The following FRAS1 variants were observed in gnomAD, a reference collection of about 807,000 sequenced individuals.
FRAS1 encodes the protein extracellular matrix organizing protein FRAS1.
FRAS1 carries 290 observed loss-of-function variants against 435.2 expected under a neutral mutation model. The ratio of observed to expected loss-of-function variants is 0.67; its 90% CI spans 0.61 to 0.73. The LOEUF (loss-of-function observed/expected upper bound fraction) is 0.73. Among genes scored for constraint, FRAS1 ranks in the 30% least tolerant of loss-of-function variants. FRAS1 has a pLI of 0.00. For missense variants in FRAS1, 4,860 were observed against 5,001.5 expected, an observed-to-expected ratio of 0.97 and a Z score of 0.85; for synonymous variants, 1,800 against 1,851.0, an observed-to-expected ratio of 0.97 and a Z score of 0.71.
intron 2 of FRAS1, among the ~76,000 whole-genome samples, chr4:78,100,461 GGAAAACACT>G (rs2109917471): frequency 6.6e-6 from 1 of 152,244 alleles, no homozygotes; most frequent in South Asian, 2.1e-4. Context: ...TCTCTCTCTG[GGAAAACACT>G]GAAAAGTTAG....
chr4:78,532,956 G>T (rs1293484816), intron 70 of FRAS1, among the ~76,000 whole-genome samples: 1 of 152,146 alleles, frequency 6.6e-6, no homozygotes, highest in South Asian at 2.1e-4. Context: ...GAGTGGAGAT[G>T]TCTCTACAAG....
Position 78,318,801 on chromosome 4 carries a change from C to A in FRAS1, c.1961-9C>A. On this transcript the variant is annotated splice_polypyrimidine_tract_variant and intron_variant, in intron 17 of 73. Transcript: ENST00000512123. ...TGGATTATTTTCTGCATTTTATTTCCATTTGCAGCCTGTCACTCCTCCTGC... is the reference window on the plus strand; with the variant it reads ...TGGATTATTTTCTGCATTTTATTTCAATTTGCAGCCTGTCACTCCTCCTGC... 1 of 1,547,264 alleles carries A rather than the reference C, an allele frequency of 6.5e-7. No individual in the cohort carries two copies. Among genetic ancestry groups the A allele is most frequent in the Non-Finnish European group, 8.7e-7 (1 of 1,144,004 alleles).
In FRAS1 at chr4:78,522,763, T is replaced by C; in HGVS notation, c.10763T>C (p.Phe3588Ser). Residue 3588 changes from phenylalanine to serine, a missense_variant, in exon 69 of 74, where the codon TTT becomes TCT. Phe to Ser is a radical substitution (Grantham distance 155). Coordinates refer to ENST00000512123, the MANE Select transcript of FRAS1 (RefSeq NM_025074.7). ...DLQLLWSAQT[F>S]DSPHQLWRAT... ...CAGCTATTATGGAGCGCTCAGACTT[T>C]TGATTCTCCACATCAACTCTGGAGA... 6.2e-7 allele frequency: 1 copy of C among 1,612,384 alleles called. No homozygotes were observed. Among genetic ancestry groups the C allele is most frequent in the Non-Finnish European group, 8.5e-7 (1 of 1,179,148 alleles).
Position 78,540,514 on chromosome 4 carries a change from G to A in FRAS1, c.11446-17G>A, listed in dbSNP as rs754232253. On this transcript the variant is annotated splice_polypyrimidine_tract_variant and intron_variant, in intron 73 of 73. Transcript: ENST00000512123. ...GTCTGTGGGCAACAACAACATGTTC[G>A]GTTTGTCCCCCTGCAGGTGGAAGCA... The A allele has an allele frequency of 9.6e-6, 14 of 1,465,260 alleles. No homozygotes were observed. The highest frequency in any genetic ancestry group is 1.8e-4 in the Middle Eastern group (1 of 5,488). 90.8% of individuals were successfully genotyped at this position (1,465,260 alleles called of 1,614,324 possible). A position where few individuals can be genotyped will look rare whatever the true frequency, so the allele number is the denominator to read the frequency against.
chr4:78,441,160 A>C lies in FRAS1; in HGVS notation c.5530-2A>C. 3.1e-6 allele frequency: 5 copies of C among 1,613,694 alleles called. No homozygotes were observed. Among genetic ancestry groups the C allele is most frequent in the Non-Finnish European group, 3.4e-6 (4 of 1,179,752 alleles). ...GACTCTCTATGTTCTTTTCTTTCTTAGGTTGATGAGGGAGGGAGAGCACCA... is the reference window on the plus strand; with the variant it reads ...GACTCTCTATGTTCTTTTCTTTCTTCGGTTGATGAGGGAGGGAGAGCACCA... On this transcript the variant is annotated splice_acceptor_variant, in intron 40 of 73. Transcript: ENST00000512123. LOFTEE classifies it high-confidence loss of function.
intron 18 of FRAS1, among the ~76,000 whole-genome samples, chr4:78,331,328 TC>T (rs35385603): frequency 0.044 from 6,640 of 152,190 alleles, 405 homozygotes; most frequent in African/African-American, 0.14. Flanking sequence ...TGACCTCAGT[TC>T]AGGAGCAGAG....
intron 2 of FRAS1, among the ~76,000 whole-genome samples, chr4:78,140,794 A>G (rs1209891765): frequency 2.0e-5 from 3 of 151,496 alleles, no homozygotes; most frequent in African/African-American, 7.3e-5. Context: ...TATCTCATGT[A>G]TATATATGAT....
intron 9 of FRAS1, among the ~76,000 whole-genome samples, chr4:78,270,881 C>T (rs969950707): frequency 1.3e-5 from 2 of 152,046 alleles, no homozygotes; most frequent in African/African-American, 4.8e-5. Context: ...GCCTATTGGC[C>T]TCTGACTGAC....
chr4:78,464,684 G>A lies in FRAS1; in HGVS notation c.7029+101G>A, dbSNP rs139954867. ...TGCATCCTGATGGTAGGGAGGAGCTGTAAGGTGAGTGCAAGCATCCTTGAA... is the reference window on the plus strand; with the variant it reads ...TGCATCCTGATGGTAGGGAGGAGCTATAAGGTGAGTGCAAGCATCCTTGAA... On this transcript the variant is annotated intron_variant, in intron 49 of 73. Coordinates refer to ENST00000512123, the MANE Select transcript of FRAS1 (RefSeq NM_025074.7). 5.6e-4 allele frequency: 724 copies of A among 1,292,758 alleles called. 1 individual carries two copies. The highest frequency in any genetic ancestry group is 7.6e-4 in the African/African-American group (52 of 68,730). The allele number at this position is 1,292,758 out of a possible 1,614,324, so 80.1% of individuals were successfully genotyped here.
chr4:78,306,977 T>C (rs28839236), intron 14 of FRAS1, among the ~76,000 whole-genome samples: 53 of 152,242 alleles, frequency 3.5e-4, no homozygotes, highest in African/African-American at 1.3e-3. Context: ...TGCTCTGTTT[T>C]TTCCCCATCT....
chr4:78,499,725 C>G lies in FRAS1; in HGVS notation c.9120C>G (p.Pro3040=). The change falls in exon 61 of 74, where the codon CCC becomes CCG. Residue 3040 remains proline (P), a synonymous_variant. Transcript: ENST00000512123. ...TITISNDEDA[P]TIEFEEAAYQ... is the part of the protein sequence containing the mutation. The stretch of plus-strand genomic sequence containing the variant: ...TTCCTAACCATATTTCCTTAGCCCC[C>G]ACCATTGAGTTTGAAGAAGCTGCAT... 6.2e-7 allele frequency: 1 copy of G among 1,613,542 alleles called. No homozygotes were observed. Among genetic ancestry groups the G allele is most frequent in the Non-Finnish European group, 8.5e-7 (1 of 1,179,666 alleles).
At chr4:78,483,590 T>C (rs2109860859) in intron 58 of FRAS1, among the ~76,000 whole-genome samples, 1 of 152,046 alleles carries the variant, frequency 6.6e-6, no homozygotes, top group South Asian at 2.1e-4. Context: ...TGTTTTTATT[T>C]ATTCTTAAAT....
At chr4:78,478,403 G>A (rs764696880) in intron 55 of FRAS1, among the ~76,000 whole-genome samples, 47 of 152,326 alleles carry the variant, frequency 3.1e-4, no homozygotes, top group Admixed American at 6.5e-4. Context: ...AAGGAGGGAA[G>A]TTACAGTTCA....
chr4:78,301,953 T>A (rs1374522716), intron 14 of FRAS1, among the ~76,000 whole-genome samples: 1 of 148,290 alleles, frequency 6.7e-6, no homozygotes, highest in Non-Finnish European at 1.5e-5. Flanking sequence ...CGCTGCACCC[T>A]CTAACTCATC....
At chr4:78,435,977 G>T (rs373759487) in intron 38 of FRAS1, among the ~76,000 whole-genome samples, 1 of 151,914 alleles carries the variant, frequency 6.6e-6, no homozygotes, top group Non-Finnish European at 1.5e-5. Context: ...AAGGAAGGGC[G>T]GAACATCTTA....
intron 2 of FRAS1, among the ~76,000 whole-genome samples, chr4:78,224,563 C>A (rs1724191184): frequency 6.6e-6 from 1 of 152,028 alleles, no homozygotes; most frequent in Non-Finnish European, 1.5e-5. Context: ...GGCAGAGTCC[C>A]ACTTTGTTGC....
chr4:78,157,935 C>T (rs1188441499), intron 2 of FRAS1, among the ~76,000 whole-genome samples: 6 of 152,122 alleles, frequency 3.9e-5, no homozygotes, highest in Non-Finnish European at 7.4e-5. Flanking sequence ...GAAATCCTTA[C>T]CCAATTGCTT....
chr4:78,320,181 C>G (rs2110239491), intron 18 of FRAS1, among the ~76,000 whole-genome samples: 1 of 152,344 alleles, frequency 6.6e-6, no homozygotes, highest in Non-Finnish European at 1.5e-5. Context: ...TCACCACTCT[C>G]CAGACATCCT....
At chr4:78,230,820 A>T (rs1724485486) in intron 2 of FRAS1, among the ~76,000 whole-genome samples, 1 of 152,212 alleles carries the variant, frequency 6.6e-6, no homozygotes, top group Admixed American at 6.5e-5. Context: ...TGCTACTGTT[A>T]TGTATTTGCT....
Sources: gnomAD v4.1 joint callset for allele counts (sites outside exome capture counted in the v4.1 genomes callset) on GRCh38, gnomAD v4.1.1 for gene constraint, MANE v1.5 for transcripts, NCBI Gene and HGNC (gene_info 2026-07-23, HGNC 2026-07-21) for gene names.